SLC7A10: variants seen among roughly 807,000 people sequenced by gnomAD.
The protein encoded by SLC7A10 is asc-type amino acid transporter 1.
SLC7A10 carries 30 observed loss-of-function variants against 52.7 expected under a neutral mutation model. The ratio of observed to expected loss-of-function variants is 0.57; its 90% CI spans 0.43 to 0.77. The LOEUF is 0.77. Ranked by LOEUF, SLC7A10 falls within the 30% of genes least tolerant of loss-of-function variation. SLC7A10 has a pLI of 0.00. For missense variants in SLC7A10, 581 were observed against 698.5 expected, an observed-to-expected ratio of 0.83 and a Z score of 1.90; for synonymous variants, 318 against 314.9, an observed-to-expected ratio of 1.01 and a Z score of -0.10.
intron 2 of SLC7A10, among the ~76,000 whole-genome samples, chr19:33,215,192 T>C (rs1330587728): frequency 2.1e-5 from 3 of 144,724 alleles, no homozygotes; most frequent in East Asian, 4.2e-4. Context: ...CACTTGAACC[T>C]GGGAGGCAGA....
In SLC7A10 at chr19:33,210,561, T is replaced by C. The variant is rs1974521648; in HGVS notation, c.1169A>G (p.Tyr390Cys). 1 of 1,612,156 alleles carries C rather than the reference T, an allele frequency of 6.2e-7. No individual in the cohort carries two copies. The highest frequency in any genetic ancestry group is 8.5e-7 in the Non-Finnish European group (1 of 1,179,946). Residue 390 changes from tyrosine (Y) to cysteine (C), a missense_variant, in exon 9 of 11, where the codon TAT (tyrosine) becomes TGT (cysteine). Tyr to Cys is a radical substitution (Grantham distance 194, BLOSUM62 -2). Transcript: ENST00000253188. This position sits in a 1 kb window ranked among gnomAD's most constrained non-coding sequence, Gnocchi z 5.6. Reference sequence around the variant, plus strand: ...GCAGAGGTAGTTGATGAAGGACACATAGTTGATGAGCGTGTACGTGTCGCC... The same window carrying C: ...GCAGAGGTAGTTGATGAAGGACACACAGTTGATGAGCGTGTACGTGTCGCC... ...LVGDTYTLINYVSFINYLCYG... is the reference protein window; with the variant it reads ...LVGDTYTLINCVSFINYLCYG...
At chr19:33,223,976 C>T (rs1270189373) in intron 1 of SLC7A10, among the ~76,000 whole-genome samples, 2 of 151,396 alleles carry the variant, frequency 1.3e-5, no homozygotes, top group African/African-American at 4.9e-5. Flanking sequence ...ACCACCACCA[C>T]CACCACCACC....
chr19:33,225,030 G>A (rs529173100), intron 1 of SLC7A10, among the ~76,000 whole-genome samples: 3 of 152,194 alleles, frequency 2.0e-5, no homozygotes, highest in Non-Finnish European at 2.9e-5. Flanking sequence ...TCCCTTCTGC[G>A]CAGGCTGCGC....
At chr19:33,218,715 A>C in intron 1 of SLC7A10, among the ~76,000 whole-genome samples, 1 of 42,972 alleles carries the variant, frequency 2.3e-5, no homozygotes, top group Non-Finnish European at 5.9e-5. Context: ...ATGGGGTTTC[A>C]CCATGTTGGC....
At chr19:33,218,265 T>C (rs1974732212) in intron 1 of SLC7A10, among the ~76,000 whole-genome samples, 1 of 152,102 alleles carries the variant, frequency 6.6e-6, no homozygotes, top group Non-Finnish European at 1.5e-5. Flanking sequence ...ACTAGCCTTG[T>C]GCCCAGTGGC....
chr19:33,211,033 C>T (rs1270057990), intron 7 of SLC7A10, 135 bp from the exon 8 acceptor site: 2 of 998,338 alleles, frequency 2.0e-6, no homozygotes, highest in Non-Finnish European at 3.1e-6. Context: ...CCCCCTCATC[C>T]AGCCTGCCTG....
intron 1 of SLC7A10, among the ~76,000 whole-genome samples, chr19:33,224,024 C>T (rs1251010831): frequency 6.6e-6 from 1 of 151,576 alleles, no homozygotes; most frequent in Non-Finnish European, 1.5e-5. Flanking sequence ...AGCCAGGCAG[C>T]CTCCCTGTGG....
chr19:33,210,344 G>T lies in SLC7A10; in HGVS notation c.1263+123C>A. 8.0e-7 allele frequency: 1 copy of T among 1,253,230 alleles called. No individual in the cohort carries two copies. Among genetic ancestry groups the T allele is most frequent in the Non-Finnish European group, 1.1e-6 (1 of 903,144 alleles). 77.6% of individuals were successfully genotyped at this position (1,253,230 alleles called of 1,614,324 possible). On this transcript the variant is annotated intron_variant, in intron 9 of 10. Transcript: ENST00000253188. This position sits in a 1 kb window ranked among gnomAD's most constrained non-coding sequence, Gnocchi z 5.6. ...GCTGCCTCAGTGCACAGAGAGCCCTGAGCAGGGCCCAACACTCCACAAAAG... is the reference window on the plus strand; with the variant it reads ...GCTGCCTCAGTGCACAGAGAGCCCTTAGCAGGGCCCAACACTCCACAAAAG...
intron 1 of SLC7A10, chr19:33,220,393 G>C (rs918808169): frequency 3.9e-5 from 6 of 152,132 alleles, no homozygotes; most frequent in African/African-American, 1.2e-4. Context: ...CGCAACAGTC[G>C]AGCCCTAGGC....
intron 5 of SLC7A10, 137 bp from the exon 6 acceptor site, chr19:33,211,674 G>T: frequency 6.6e-7 from 1 of 1,504,344 alleles, no homozygotes; most frequent in East Asian, 2.4e-5. Flanking sequence ...GGGCAGCATT[G>T]CTGCCCGAGA....
rs753123090 is a variant in SLC7A10 at position 33,215,830 on chromosome 19, C to T, written c.295G>A (p.Ala99Thr). Residue 99 changes from alanine (A) to threonine (T), a missense_variant, in exon 2 of 11, where the codon GCC becomes ACC. Ala to Thr is a moderately conservative substitution (Grantham distance 58). Coordinates refer to ENST00000253188, the MANE Select transcript of SLC7A10 (RefSeq NM_019849.3). ...TAGTCCCCGCCAGACTTGGGGATGGCGACTCCCAGCTCTGCATAGCAGAGG... is the reference window on the plus strand; with the variant it reads ...TAGTCCCCGCCAGACTTGGGGATGGTGACTCCCAGCTCTGCATAGCAGAGG... Reference protein sequence around the residue: ...GSLCYAELGVAIPKSGGDYAY... With the variant: ...GSLCYAELGVTIPKSGGDYAY... 100 of 1,587,020 alleles carry T rather than the reference C, an allele frequency of 6.3e-5. No individual in the cohort carries two copies. The highest frequency in any genetic ancestry group is 1.8e-4 in the Admixed American group (10 of 56,230).
At chr19:33,223,551 A>T (rs1974858701) in intron 1 of SLC7A10, among the ~76,000 whole-genome samples, 1 of 151,746 alleles carries the variant, frequency 6.6e-6, no homozygotes, top group Non-Finnish European at 1.5e-5. Context: ...CTCAGTCCTC[A>T]CCTGCCCAGT....
chr19:33,212,381 G>T lies in SLC7A10; in HGVS notation c.699C>A (p.His233Gln), dbSNP rs777169297. 1.9e-6 allele frequency: 3 copies of T among 1,613,768 alleles called. No homozygotes were observed. The highest frequency in any genetic ancestry group is 2.7e-5 in the African/African-American group (2 of 74,948). ...AGCCCTGGAGGAAGGCCAGGGCCAGGTGTCCCACGGAGGGCGTCATCCAGA... is the reference window on the plus strand; with the variant it reads ...AGCCCTGGAGGAAGGCCAGGGCCAGTTGTCCCACGGAGGGCGTCATCCAGA... Reference protein sequence around the residue: ...FAFWMTPSVGHLALAFLQGSF... With the variant: ...FAFWMTPSVGQLALAFLQGSF... Residue 233 changes from histidine (H) to glutamine (Q), a missense_variant, in exon 5 of 11, where the codon CAC becomes CAA. Physicochemically the swap from His to Gln is conservative, Grantham distance 24. Coordinates refer to ENST00000253188, the MANE Select transcript of SLC7A10 (RefSeq NM_019849.3).
Position 33,225,729 on chromosome 19 carries a change from C to A in SLC7A10, c.-26G>T. 1.4e-6 allele frequency: 2 copies of A among 1,478,554 alleles called. No individual in the cohort carries two copies. Among genetic ancestry groups the A allele is most frequent in the South Asian group, 1.3e-5 (1 of 78,066 alleles). The allele number at this position is 1,478,554 out of a possible 1,614,324, so 91.6% of individuals were successfully genotyped here. Reference sequence around the variant, plus strand: ...GTCGCTGTCCCGCCGCGTCCCCGCTCCCTGCGCTGCCCCGTCTGTCCGGCC... The same window carrying A: ...GTCGCTGTCCCGCCGCGTCCCCGCTACCTGCGCTGCCCCGTCTGTCCGGCC... On this transcript the variant is annotated 5_prime_UTR_variant, in exon 1 of 11. Transcript: ENST00000253188.
intron 2 of SLC7A10, among the ~76,000 whole-genome samples, chr19:33,215,251 G>A (rs1206511784): frequency 1.4e-5 from 2 of 138,722 alleles, no homozygotes; most frequent in African/African-American, 5.6e-5. Context: ...CTGGGCAACA[G>A]AGCGAGACTC....
At chr19:33,212,709 C>T (rs1428001949) in intron 3 of SLC7A10, 70 bp from the exon 4 acceptor site, 2 of 1,611,678 alleles carry the variant, frequency 1.2e-6, no homozygotes, top group Admixed American at 3.3e-5. Flanking sequence ...CAAGTCCAGC[C>T]CAGGCGGCCC....
chr19:33,212,664 C>A, intron 3 of SLC7A10, 25 bp from the exon 4 acceptor site: 2 of 1,613,226 alleles, frequency 1.2e-6, no homozygotes, highest in African/African-American at 2.7e-5. Flanking sequence ...CGGGGGTGGG[C>A]GCCGAGGCCG....
chr19:33,219,647 G>A (rs942748024), intron 1 of SLC7A10, among the ~76,000 whole-genome samples: 1 of 152,248 alleles, frequency 6.6e-6, no homozygotes, highest in African/African-American at 2.4e-5. Flanking sequence ...TAGTCCAACC[G>A]TGACTTCAGC....
At chr19:33,222,478 TAAAATA>T (rs2145494102) in intron 1 of SLC7A10, among the ~76,000 whole-genome samples, 1 of 141,050 alleles carries the variant, frequency 7.1e-6, no homozygotes, top group African/African-American at 2.9e-5. Context: ...TAAAATAAAA[TAAAATA>T]AAATAAAATA....
Sources: gnomAD v4.1 joint callset for allele counts (sites outside exome capture counted in the v4.1 genomes callset) on GRCh38, gnomAD v4.1.1 for gene constraint, Gnocchi (gnomAD v3.1) non-coding constraint, MANE v1.5 for transcripts, NCBI Gene and HGNC (gene_info 2026-07-23, HGNC 2026-07-21) for gene names.